The following ARHGEF33 variants were observed in gnomAD, a reference collection of about 807,000 sequenced individuals.
ARHGEF33 encodes DH and coiled-coil domain-containing protein ENSP00000381780.
In ARHGEF33, 72 loss-of-function variants were observed where a neutral mutation model predicts 101.9. The observed-to-expected ratio is 0.71, with a 90% CI of 0.58 to 0.86. The LOEUF (loss-of-function observed/expected upper bound fraction) is 0.86, where lower values mean the gene tolerates loss of function less well. Ranked by LOEUF, ARHGEF33 falls within the 40% of genes least tolerant of loss-of-function variation. The pLI is 0.00. For synonymous variants in ARHGEF33, 499 were observed against 442.5 expected, an observed-to-expected ratio of 1.13 and a Z score of -1.60; for missense variants, 1,169 against 1,111.3, an observed-to-expected ratio of 1.05 and a Z score of -0.74.
intron 11 of ARHGEF33, among the ~76,000 whole-genome samples, chr2:38,951,503 G>A (rs919667881): frequency 2.0e-5 from 3 of 151,804 alleles, no homozygotes; most frequent in Non-Finnish European, 2.9e-5. Context: ...GTGGTGGCTC[G>A]TGCCTGTAAT....
chr2:38,906,334 C>T (rs1253361155), intron 2 of ARHGEF33, among the ~76,000 whole-genome samples: 1 of 152,084 alleles, frequency 6.6e-6, no homozygotes, highest in East Asian at 1.9e-4. Context: ...CCTGTCCCAA[C>T]TTGTTCCAAA....
chr2:38,929,886 G>A lies in ARHGEF33; in HGVS notation c.362+56G>A, dbSNP rs976785208. The A allele has an allele frequency of 2.0e-6, 3 of 1,494,760 alleles. No individual in the cohort carries two copies. The African/African-American group carries it at 4.2e-5, about 21-fold the overall frequency. 92.6% of individuals were successfully genotyped at this position (1,494,760 alleles called of 1,614,324 possible). ...AAACCCATAAGCAATGGCTTCTGCA[G>A]AGGCACCTGGTACACATTCCCCACT... On this transcript the variant is annotated intron_variant, in intron 6 of 17. Transcript: ENST00000409978.
At chr2:38,921,486 A>C (rs1666755813) in intron 4 of ARHGEF33, 63 bp downstream of exon 4, 1 of 1,105,330 alleles carries the variant, frequency 9.0e-7, no homozygotes, top group African/African-American at 1.5e-5. Flanking sequence ...ACTATTCTTT[A>C]TGTGTACACG....
At chr2:38,914,235 T>C (rs998203046) in intron 2 of ARHGEF33, among the ~76,000 whole-genome samples, 4 of 152,154 alleles carry the variant, frequency 2.6e-5, no homozygotes, top group Non-Finnish European at 4.4e-5. Context: ...AACACCAACA[T>C]GTAAGGCTCT....
intron 3 of ARHGEF33, among the ~76,000 whole-genome samples, chr2:38,920,884 T>G (rs1012398255): frequency 6.6e-6 from 1 of 152,204 alleles, no homozygotes; most frequent in African/African-American, 2.4e-5. Context: ...TAGCTGAATT[T>G]GGCAGTGACA....
At chr2:38,932,900 G>A (rs746387668) in intron 7 of ARHGEF33, among the ~76,000 whole-genome samples, 5 of 152,090 alleles carry the variant, frequency 3.3e-5, no homozygotes, top group Non-Finnish European at 7.3e-5. Context: ...ATTCTACTGA[G>A]TTGCTGCAGA....
intron 2 of ARHGEF33, among the ~76,000 whole-genome samples, chr2:38,914,701 A>C (rs929122678): frequency 6.6e-6 from 1 of 151,584 alleles, no homozygotes; most frequent in Non-Finnish European, 1.5e-5. Context: ...TCTTAGATCT[A>C]TACCAATTAA....
At chr2:38,941,850 C>G (rs1667317534) in intron 9 of ARHGEF33, among the ~76,000 whole-genome samples, 1 of 151,580 alleles carries the variant, frequency 6.6e-6, no homozygotes, top group South Asian at 2.1e-4. Context: ...CAGCCCGTTA[C>G]CTGATTTTTC....
Position 38,960,375 on chromosome 2 carries a change from C to G in ARHGEF33, c.2070C>G (p.Tyr690Ter). The G allele has an allele frequency of 6.6e-7, 1 of 1,522,292 alleles. No homozygotes were observed. Among genetic ancestry groups the G allele is most frequent in the Non-Finnish European group, 8.8e-7 (1 of 1,139,842 alleles). The allele number at this position is 1,522,292 out of a possible 1,614,324, so 94.3% of individuals were successfully genotyped here. ...CGCCGGCGGGCAGCAGCAGCGCCTA[C>G]AAACTGGAGGCGGCGGCGCAGGCGC... Reference protein sequence around the residue: ...ATSPAGSSSAYKLEAAAQAHG... With the variant: ...ATSPAGSSSA The change falls in exon 16 of 18, where the codon TAC becomes TAG. Residue 690 changes from tyrosine (Y) to a stop codon, truncating the protein, a stop_gained. Transcript: ENST00000409978. LOFTEE classifies it high-confidence loss of function.
At chr2:38,944,266 G>T (rs960294079) in intron 10 of ARHGEF33, among the ~76,000 whole-genome samples, 9 of 152,166 alleles carry the variant, frequency 5.9e-5, no homozygotes, top group African/African-American at 1.9e-4. Context: ...TCTGGAGACT[G>T]GGGAGTCTAA....
At chr2:38,951,191 A>G in intron 11 of ARHGEF33, 70 bp downstream of exon 11, 1 of 1,424,120 alleles carries the variant, frequency 7.0e-7, no homozygotes, top group Non-Finnish European at 9.6e-7. Context: ...TACTTCTCTT[A>G]ATAGAGAATC....
chr2:38,915,606 A>C (rs1666614476), intron 2 of ARHGEF33, among the ~76,000 whole-genome samples: 2 of 152,040 alleles, frequency 1.3e-5, no homozygotes, highest in Non-Finnish European at 2.9e-5. Context: ...TCCTGGCCTC[A>C]AGCTATCCAC....
At position 38,943,612 on chromosome 2, in the gene ARHGEF33, T is replaced by G. The variant is rs72916847; in HGVS notation, c.791-289T>G. Reference sequence around the variant, plus strand: ...TCAATGATTGCTCCTGCTTTCAGCATTGTCCCTTATTTGCACTATCTATAT... The same window carrying G: ...TCAATGATTGCTCCTGCTTTCAGCAGTGTCCCTTATTTGCACTATCTATAT... On this transcript the variant is annotated intron_variant, in intron 9 of 17. Transcript: ENST00000409978. Among the ~76,000 whole-genome samples, 642 of 152,336 alleles carry G rather than the reference T, an allele frequency of 4.2e-3. 5 individuals are homozygous for G. The highest frequency in any genetic ancestry group is 0.015 in the African/African-American group (610 of 41,572).
chr2:38,910,598 A>T (rs956394314), intron 2 of ARHGEF33, among the ~76,000 whole-genome samples: 3 of 152,216 alleles, frequency 2.0e-5, no homozygotes, highest in Non-Finnish European at 4.4e-5. Flanking sequence ...CAAGAGAGAA[A>T]GAAATTATTG....
chr2:38,903,972 T>C (rs1402954124), intron 2 of ARHGEF33, among the ~76,000 whole-genome samples: 1 of 152,210 alleles, frequency 6.6e-6, no homozygotes, highest in Non-Finnish European at 1.5e-5. Context: ...ACTTCTACCC[T>C]ATGTTAGAAT....
At chr2:38,894,519 G>T (rs1466774469) in intron 1 of ARHGEF33, among the ~76,000 whole-genome samples, 1 of 152,086 alleles carries the variant, frequency 6.6e-6, no homozygotes, top group Non-Finnish European at 1.5e-5. Context: ...AGCCCACAAA[G>T]GTAGGCAGTC....
Position 38,973,930 on chromosome 2 carries a change from ATC to A in ARHGEF33, c.*89_*90del, listed in dbSNP as rs1668221111. On this transcript the variant is annotated 3_prime_UTR_variant, in exon 18 of 18. Coordinates refer to ENST00000409978, the MANE Select transcript of ARHGEF33 (RefSeq NM_001145451.5). ...TGTAGGAATATATATATATATCTAT[ATC>A]TATATATATATATATATCGATGTAT... 9 of 823,986 alleles carry A rather than the reference ATC, an allele frequency of 1.1e-5. No individual in the cohort carries two copies. Among genetic ancestry groups the A allele is most frequent in the South Asian group, 5.7e-5 (1 of 17,654 alleles). The allele number at this position is 823,986 out of a possible 1,614,324, so 51.0% of individuals were successfully genotyped here.
At chr2:38,890,244 G>A (rs1263078576) in intron 1 of ARHGEF33, among the ~76,000 whole-genome samples, 1 of 152,134 alleles carries the variant, frequency 6.6e-6, no homozygotes, top group Non-Finnish European at 1.5e-5. Context: ...GGAGACTGAA[G>A]TTGTTCTGCA....
At chr2:38,899,877 A>G (rs1200001097) in intron 2 of ARHGEF33, among the ~76,000 whole-genome samples, 1 of 152,170 alleles carries the variant, frequency 6.6e-6, no homozygotes, top group Non-Finnish European at 1.5e-5. Flanking sequence ...ATTACCTGCC[A>G]GGTACAATGG....
Sources: allele counts gnomAD v4.1 joint callset (sites outside exome capture counted in the v4.1 genomes callset), GRCh38; gene constraint gnomAD v4.1.1; transcripts MANE v1.5; gene names NCBI Gene and HGNC (gene_info 2026-07-23, HGNC 2026-07-21).